LRRC9: variants seen among roughly 807,000 people sequenced by gnomAD.
LRRC9 encodes the protein leucine-rich repeat-containing protein 9.
In LRRC9, 122 loss-of-function variants were observed where a neutral mutation model predicts 63.2. That is an observed-to-expected ratio of 1.93 (90% CI 1.67 to 2.24). The LOEUF (loss-of-function observed/expected upper bound fraction) is 2.24. Among genes scored for constraint, LRRC9 ranks in the 30% most tolerant of loss-of-function variants. LRRC9 has a pLI of 0.00. For missense variants in LRRC9, 1,071 were observed against 627.7 expected (o/e 1.71, Z -7.55); for synonymous variants, 366 against 213.1 (o/e 1.72, Z -6.25).
intron 27 of LRRC9, among the ~76,000 whole-genome samples, chr14:60,026,678 G>A (rs1825624927): frequency 6.6e-6 from 1 of 151,976 alleles, no homozygotes; most frequent in African/African-American, 2.4e-5. Context: ...TTTTGTATAT[G>A]ATGAGAGATA....
intron 7 of LRRC9, among the ~76,000 whole-genome samples, chr14:59,941,745 A>G (rs1311719242): frequency 1.3e-5 from 2 of 152,184 alleles, no homozygotes; most frequent in Non-Finnish European, 2.9e-5. Context: ...TTTACAATGT[A>G]TAATGATCAA....
chr14:59,964,299 A>T lies in LRRC9; in HGVS notation c.1212-2290A>T, dbSNP rs908704050. On this transcript the variant is annotated intron_variant, in intron 10 of 31. Transcript: ENST00000445360. The surrounding 1 kb of genome is among the most constrained non-coding windows in gnomAD (Gnocchi z 4.4). Reference sequence around the variant, plus strand: ...TTTAGACTATCATAACTTCTGTTCAACTCTTTTAAAGTCAGCTGAACTGTG... The same window carrying T: ...TTTAGACTATCATAACTTCTGTTCATCTCTTTTAAAGTCAGCTGAACTGTG... Among the ~76,000 whole-genome samples the T allele has an allele frequency of 3.9e-5, 6 of 151,902 alleles. No homozygotes were observed. The highest frequency in any genetic ancestry group is 1.5e-4 in the African/African-American group (6 of 41,356).
At chr14:59,931,857 G>A in intron 5 of LRRC9, 112 bp from the exon 6 acceptor site, 1 of 621,172 alleles carries the variant, frequency 1.6e-6, no homozygotes, top group Non-Finnish European at 2.8e-6. Flanking sequence ...TTATACAATG[G>A]TACCATTAGT....
intron 1 of LRRC9, among the ~76,000 whole-genome samples, chr14:59,924,600 C>T (rs909002098): frequency 6.6e-6 from 1 of 152,216 alleles, no homozygotes; most frequent in Non-Finnish European, 1.5e-5. Flanking sequence ...ACTAGTCTCC[C>T]TGCTTTTGCT....
chr14:59,995,091 G>C (rs979995317), intron 17 of LRRC9, among the ~76,000 whole-genome samples: 1 of 152,002 alleles, frequency 6.6e-6, no homozygotes, highest in African/African-American at 2.4e-5. Flanking sequence ...CTTAAACTAA[G>C]GCTTTCTTTA....
chr14:59,952,035 G>A (rs975096887), intron 8 of LRRC9, among the ~76,000 whole-genome samples: 39 of 151,942 alleles, frequency 2.6e-4, no homozygotes, highest in Admixed American at 7.2e-4. Flanking sequence ...CACCCAGTTC[G>A]AGCTTCCCGG....
exon 6 of LRRC9, chr14:59,931,992 C>A: frequency 1.4e-6 from 1 of 700,208 alleles, no homozygotes; most frequent in Non-Finnish European, 2.6e-6. Context: ...CTCCAATGAA[C>A]AACTGGAAAG....
chr14:59,933,919 G>A (rs1276276202), intron 6 of LRRC9, among the ~76,000 whole-genome samples: 1 of 152,132 alleles, frequency 6.6e-6, no homozygotes, highest in Non-Finnish European at 1.5e-5. Context: ...CACTAGAAAG[G>A]TCAATTGGGT....
rs532827520 is a variant in LRRC9, at chr14:60,027,143, T to C, written c.3704-741T>C. Among the ~76,000 whole-genome samples, 3 of 152,150 alleles carry C rather than the reference T, an allele frequency of 2.0e-5. No homozygotes were observed. The highest frequency in any genetic ancestry group is 2.0e-4 in the Admixed American group (3 of 15,244). ...GTCTAAGTTAGGCCTGATACTGCCA[T>C]TTTTATGTCTTTGAGAAAGCCACTT... On this transcript the variant is annotated intron_variant, in intron 27 of 31. Transcript: ENST00000445360. This position sits in a 1 kb window ranked among gnomAD's most constrained non-coding sequence, Gnocchi z 4.0.
intron 23 of LRRC9, among the ~76,000 whole-genome samples, chr14:60,014,935 T>C (rs1403823052): frequency 6.6e-6 from 1 of 152,158 alleles, no homozygotes; most frequent in African/African-American, 2.4e-5. Flanking sequence ...AAATACAGGA[T>C]ATGCCCATCT....
chr14:59,977,917 A>G (rs1886487096), intron 14 of LRRC9, 100 bp from the exon 15 acceptor site: 4 of 540,942 alleles, frequency 7.4e-6, no homozygotes, highest in South Asian at 5.3e-5. Context: ...AACTGTTGCA[A>G]CTTATTGAGT....
At chr14:59,996,917 A>G (rs1888856202) in intron 17 of LRRC9, among the ~76,000 whole-genome samples, 1 of 152,184 alleles carries the variant, frequency 6.6e-6, no homozygotes, top group African/African-American at 2.4e-5. Context: ...AAACATAAAG[A>G]TCTATAGTAA....
chr14:59,954,297 T>C (rs929348554), intron 8 of LRRC9, among the ~76,000 whole-genome samples: 2 of 152,242 alleles, frequency 1.3e-5, no homozygotes, highest in Non-Finnish European at 2.9e-5. Flanking sequence ...TCCATGAGCA[T>C]GGAATGTTTT....
chr14:59,945,146 T>C (rs1468652665), intron 8 of LRRC9, among the ~76,000 whole-genome samples: 2 of 136,814 alleles, frequency 1.5e-5, no homozygotes, highest in East Asian at 2.1e-4. Context: ...TTTAAAGTGC[T>C]AAAAAAAAAA....
At position 59,942,431 on chromosome 14, in the gene LRRC9, T is replaced by C. The variant is rs1020374218; in HGVS notation, c.727-2158T>C. Among the ~76,000 whole-genome samples the C allele has an allele frequency of 4.6e-5, 7 of 152,316 alleles. No individual in the cohort carries two copies. Among genetic ancestry groups the C allele is most frequent in the South Asian group, 4.1e-4 (2 of 4,832 alleles). ...TGAGAAAACGCCATCCTGTTTTTCA[T>C]AGTGGCTGTACTAATTTACATTTCT... On this transcript the variant is annotated intron_variant, in intron 7 of 31. Coordinates refer to ENST00000445360, the Ensembl canonical transcript of LRRC9. This position sits in a 1 kb window ranked among gnomAD's most constrained non-coding sequence, Gnocchi z 5.3.
chr14:60,018,756 C>T (rs1462751793), intron 25 of LRRC9, among the ~76,000 whole-genome samples: 2 of 151,854 alleles, frequency 1.3e-5, no homozygotes, highest in Non-Finnish European at 2.9e-5. Flanking sequence ...CTTCAAGGTT[C>T]TTTAAACGGC....
chr14:59,967,981 T>C (rs1885038213), intron 12 of LRRC9, among the ~76,000 whole-genome samples: 1 of 152,164 alleles, frequency 6.6e-6, no homozygotes, highest in Non-Finnish European at 1.5e-5. Flanking sequence ...CCAGTGTTCA[T>C]GACATCACTA....
chr14:60,004,847 TTTGA>T lies in LRRC9; in HGVS notation c.2842+1054_2842+1057del, dbSNP rs376816011. On this transcript the variant is annotated intron_variant, in intron 21 of 31. Coordinates refer to ENST00000445360, the Ensembl canonical transcript of LRRC9. This position sits in a 1 kb window ranked among gnomAD's most constrained non-coding sequence, Gnocchi z 4.8. The stretch of plus-strand genomic sequence containing the variant: ...AAAATATGTCCACAAGTGTGCACTA[TTTGA>T]TTGAAAAGAGAAATATGTATATGTG... Among the ~76,000 whole-genome samples, 1,092 of 150,386 alleles carry T rather than the reference TTTGA, an allele frequency of 7.3e-3. 9 individuals are homozygous for T. Among genetic ancestry groups the T allele is most frequent in the African/African-American group, 0.025 (1,010 of 41,078 alleles).
At chr14:60,033,799 A>G (rs1038183331) in intron 29 of LRRC9, among the ~76,000 whole-genome samples, 11 of 151,964 alleles carry the variant, frequency 7.2e-5, no homozygotes, top group African/African-American at 2.2e-4. Context: ...TCTTTCTCCA[A>G]TCTATGGAGT....
Sources: allele counts gnomAD v4.1 joint callset (sites outside exome capture counted in the v4.1 genomes callset), GRCh38; gene constraint gnomAD v4.1.1; non-coding constraint Gnocchi (gnomAD v3.1); transcripts MANE v1.5; gene names NCBI Gene and HGNC (gene_info 2026-07-23, HGNC 2026-07-21).